ANKRD13C: variants seen among roughly 807,000 people sequenced by gnomAD.
The protein encoded by ANKRD13C is ankyrin repeat domain 13C.
Under a neutral mutation model 65.5 loss-of-function variants are expected in ANKRD13C, and 16 were observed. That is an observed-to-expected ratio of 0.24 (90% CI 0.17 to 0.37). The LOEUF (loss-of-function observed/expected upper bound fraction) is 0.37, where lower values mean the gene tolerates loss of function less well. Among genes scored for constraint, ANKRD13C ranks in the 10% least tolerant of loss-of-function variants. The pLI is 1.00. For synonymous variants in ANKRD13C, 235 were observed against 238.7 expected, an observed-to-expected ratio of 0.98 and a Z score of 0.14; for missense variants, 503 against 655.9, an observed-to-expected ratio of 0.77 and a Z score of 2.55.
chr1:70,278,442 G>A (rs1679237597), intron 9 of ANKRD13C, among the ~76,000 whole-genome samples: 1 of 151,000 alleles, frequency 6.6e-6, no homozygotes, highest in Admixed American at 6.6e-5. Flanking sequence ...GCAGTGACCT[G>A]AGATCACACC....
intron 10 of ANKRD13C, among the ~76,000 whole-genome samples, chr1:70,276,305 T>C (rs936605864): frequency 1.1e-4 from 16 of 152,142 alleles, no homozygotes; most frequent in African/African-American, 3.9e-4. Flanking sequence ...AGAAGTAGTC[T>C]AGCATAGGTT....
At chr1:70,309,634 G>C (rs1195333136) in intron 5 of ANKRD13C, among the ~76,000 whole-genome samples, 2 of 149,254 alleles carry the variant, frequency 1.3e-5, no homozygotes, top group Non-Finnish European at 3.0e-5. Context: ...GCTGAGGCAG[G>C]AGAATGGCGT....
chr1:70,322,004 T>C (rs1481002404), intron 3 of ANKRD13C, among the ~76,000 whole-genome samples: 1 of 152,112 alleles, frequency 6.6e-6, no homozygotes, highest in Non-Finnish European at 1.5e-5. Flanking sequence ...TAAATCACAG[T>C]GCTTAAGATA....
chr1:70,274,473 C>CAAAAAAA (rs769480539), intron 11 of ANKRD13C, among the ~76,000 whole-genome samples: 11 of 38,612 alleles, frequency 2.8e-4, no homozygotes, highest in African/African-American at 4.1e-4. Context: ...GACTCCATCT[C>CAAAAAAA]AAAAAAAAAA....
At chr1:70,332,300 C>G (rs1472737978) in intron 2 of ANKRD13C, among the ~76,000 whole-genome samples, 1 of 152,164 alleles carries the variant, frequency 6.6e-6, no homozygotes, top group African/African-American at 2.4e-5. Context: ...ACAAGTTCCA[C>G]AACAAAGAAA....
At chr1:70,274,673 G>A (rs955760198) in intron 11 of ANKRD13C, 47 bp downstream of exon 11, 2 of 1,370,574 alleles carry the variant, frequency 1.5e-6, no homozygotes, top group Non-Finnish European at 2.1e-6. Flanking sequence ...AGCCTTTAGG[G>A]TTTAATAGTT....
chr1:70,328,903 C>T (rs1250180453), intron 2 of ANKRD13C, among the ~76,000 whole-genome samples: 7 of 151,982 alleles, frequency 4.6e-5, no homozygotes, highest in African/African-American at 1.7e-4. Context: ...TCCCAAAAAA[C>T]CATTGGGTTT....
At chr1:70,309,555 A>G (rs1680748015) in intron 5 of ANKRD13C, among the ~76,000 whole-genome samples, 1 of 149,144 alleles carries the variant, frequency 6.7e-6, no homozygotes, top group African/African-American at 2.4e-5. Flanking sequence ...CGTCTGTACT[A>G]AAAAAAAGAA....
At chr1:70,346,205 C>A (rs138712536) in intron 1 of ANKRD13C, among the ~76,000 whole-genome samples, 1 of 151,772 alleles carries the variant, frequency 6.6e-6, no homozygotes, top group Non-Finnish European at 1.5e-5. Context: ...AGGCACAATC[C>A]CAATTATGTC....
chr1:70,335,389 G>C (rs949414955), intron 2 of ANKRD13C, among the ~76,000 whole-genome samples: 6 of 148,686 alleles, frequency 4.0e-5, no homozygotes, highest in African/African-American at 9.9e-5. Context: ...CTGGGCAATA[G>C]AGCGAGACTC....
chr1:70,336,820 C>T (rs1019481461), intron 1 of ANKRD13C, among the ~76,000 whole-genome samples: 1 of 151,972 alleles, frequency 6.6e-6, no homozygotes, highest in Non-Finnish European at 1.5e-5. Context: ...GAATGATGAG[C>T]AAAAGACAAA....
chr1:70,268,864 AT>A (rs201984715), intron 12 of ANKRD13C, among the ~76,000 whole-genome samples: 1,872 of 151,608 alleles, frequency 0.012, 27 homozygotes, highest in South Asian at 0.037. Flanking sequence ...AATTTCCAAA[AT>A]TTTTTTTTGA....
intron 3 of ANKRD13C, among the ~76,000 whole-genome samples, chr1:70,318,494 A>G (rs1193746824): frequency 6.6e-6 from 1 of 152,132 alleles, no homozygotes; most frequent in African/African-American, 2.4e-5. Flanking sequence ...CTGATGTACT[A>G]CAGTTGATTC....
intron 12 of ANKRD13C, among the ~76,000 whole-genome samples, chr1:70,263,877 G>C (rs1016346764): frequency 3.9e-5 from 6 of 152,180 alleles, no homozygotes; most frequent in Non-Finnish European, 8.8e-5. Flanking sequence ...TAAGGGCACA[G>C]AGTAAATTAA....
intron 9 of ANKRD13C, among the ~76,000 whole-genome samples, chr1:70,281,396 CTTTTTTTTT>C (rs71583111): frequency 3.5e-5 from 3 of 85,340 alleles, no homozygotes; most frequent in South Asian, 4.6e-4. Context: ...TGACTAAATT[CTTTTTTTTT>C]TTTTTTTTTT....
intron 2 of ANKRD13C, among the ~76,000 whole-genome samples, chr1:70,325,824 A>G (rs991859526): frequency 6.6e-6 from 1 of 152,146 alleles, no homozygotes; most frequent in African/African-American, 2.4e-5. Flanking sequence ...GGCTGCAGTG[A>G]GCCAAGATTG....
intron 2 of ANKRD13C, among the ~76,000 whole-genome samples, chr1:70,333,481 C>G (rs1681895319): frequency 5.3e-5 from 8 of 152,186 alleles, no homozygotes; most frequent in Admixed American, 5.2e-4. Flanking sequence ...CTCTCCTACC[C>G]CCAAATCTCA....
rs61084750 is a variant in ANKRD13C at position 70,339,411 on chromosome 1, G to A, written c.431-3312C>T. Among the ~76,000 whole-genome samples, 791 of 148,028 alleles carry A rather than the reference G, an allele frequency of 5.3e-3. 9 individuals are homozygous for A. The highest frequency in any genetic ancestry group is 0.019 in the African/African-American group (764 of 40,112). ...CGGCTCACTGTAACCTCCGCCTCCC[G>A]GGTTTCAAGCAATTCTCGTGCCTCA... On this transcript the variant is annotated intron_variant, in intron 1 of 12. Coordinates refer to ENST00000370944, the MANE Select transcript of ANKRD13C (RefSeq NM_030816.5).
At chr1:70,314,087 C>T (rs1214425880) in intron 4 of ANKRD13C, among the ~76,000 whole-genome samples, 1 of 151,424 alleles carries the variant, frequency 6.6e-6, no homozygotes, top group South Asian at 2.1e-4. Context: ...AAAATTACTA[C>T]CAAAATGATT....
Sources: allele counts gnomAD v4.1 joint callset (sites outside exome capture counted in the v4.1 genomes callset), GRCh38; gene constraint gnomAD v4.1.1; transcripts MANE v1.5; gene names NCBI Gene and HGNC (gene_info 2026-07-23, HGNC 2026-07-21).